Variants in DLG2 observed in about 807,000 individuals in gnomAD.
DLG2 encodes the protein disks large homolog 2.
In DLG2, 45 loss-of-function variants were observed where a neutral mutation model predicts 132.5. That is an observed-to-expected ratio of 0.34 (90% CI 0.27 to 0.44). DLG2 has a LOEUF of 0.44. DLG2 is among the 20% of genes least tolerant of loss of function. DLG2 has a pLI of 1.00. For synonymous variants in DLG2, 424 were observed against 419.6 expected (o/e 1.01, Z -0.13); for missense variants, 1,045 against 1,196.9 (o/e 0.87, Z 1.87).
intron 3 of DLG2, among the ~76,000 whole-genome samples, chr11:85,589,949 A>C (rs1304335350): frequency 6.6e-6 from 1 of 152,120 alleles, no homozygotes. Context: ...GTAGTATCTA[A>C]ACATTTTTTA....
chr11:83,610,359 C>G (rs916704199), intron 19 of DLG2, among the ~76,000 whole-genome samples: 3 of 152,078 alleles, frequency 2.0e-5, no homozygotes, highest in Non-Finnish European at 4.4e-5. Flanking sequence ...TGGTGCTGCA[C>G]GAATCTGTAT....
chr11:85,227,023 T>A (rs187643113), intron 4 of DLG2, among the ~76,000 whole-genome samples: 76 of 152,212 alleles, frequency 5.0e-4, no homozygotes, highest in African/African-American at 1.8e-3. Context: ...AAAGACAGAA[T>A]GGTATCAAGG....
chr11:83,709,274 TATATACATATATGTACATATATAC>T (rs1278475859), intron 18 of DLG2, among the ~76,000 whole-genome samples: 1 of 149,080 alleles, frequency 6.7e-6, no homozygotes, highest in Non-Finnish European at 1.5e-5. Context: ...TATGTATGTA[TATATACATATATGTACATATATAC>T]ATATACGTAT....
rs528933379 is a variant in DLG2 at position 83,694,640 on chromosome 11, TC to T, written c.1826-61316del. Among the ~76,000 whole-genome samples the T allele has an allele frequency of 1.5e-3, 234 of 152,342 alleles. 1 individual carries two copies. The highest frequency in any genetic ancestry group is 5.2e-3 in the African/African-American group (218 of 41,562). The stretch of plus-strand genomic sequence containing the variant: ...CCTTCAACCTCACGGTCCCATTGTT[TC>T]TCTTATTTCTTCCTAGTATGCTCTA... On this transcript the variant is annotated intron_variant, in intron 18 of 27. Transcript: ENST00000376104.
intron 7 of DLG2, among the ~76,000 whole-genome samples, chr11:84,316,552 A>G (rs935383156): frequency 1.3e-5 from 2 of 152,198 alleles, no homozygotes; most frequent in African/African-American, 4.8e-5. Flanking sequence ...GGGCTGCTAA[A>G]AGACTATGAT....
rs2075700939 is a variant in DLG2, at chr11:85,238,266, CAG to C, written c.186+46952_186+46953del. Among the ~76,000 whole-genome samples, 4 of 141,284 alleles carry C rather than the reference CAG, an allele frequency of 2.8e-5. No individual in the cohort carries two copies. In the East Asian group the frequency reaches 8.2e-4, roughly 29 times the overall value. 92.7% of individuals were successfully genotyped at this position (141,284 alleles called of 152,430 possible). On this transcript the variant is annotated intron_variant, in intron 4 of 27. Transcript: ENST00000376104. ...ATTTATTTATTTATTTATTTTGAGA[CAG>C]AGTCTTGCTTTGTTGCCCAGGCTGG...
chr11:83,646,990 C>A (rs537840952), intron 18 of DLG2: 1 of 152,022 alleles, frequency 6.6e-6, no homozygotes, highest in African/African-American at 2.4e-5. Flanking sequence ...TTTGTGATTC[C>A]GTTTTGTTTT....
At chr11:84,538,073 A>G (rs1418380243) in intron 6 of DLG2, among the ~76,000 whole-genome samples, 4 of 152,218 alleles carry the variant, frequency 2.6e-5, no homozygotes, top group Admixed American at 2.6e-4. Context: ...CAAGAAGACC[A>G]TAAATTACTG....
At chr11:84,578,580 A>T (rs1271126952) in intron 6 of DLG2, among the ~76,000 whole-genome samples, 1 of 152,082 alleles carries the variant, frequency 6.6e-6, no homozygotes, top group African/African-American at 2.4e-5. Context: ...AATTTATCCC[A>T]TTTGGAATGG....
Position 83,667,030 on chromosome 11 carries a change from C to T in DLG2, c.1826-33705G>A, listed in dbSNP as rs771787251. ...TGGGCAAACTGCGATATACGGTCAA[C>T]GCTTTATCTTTCCTTAGGCATGTTT... On this transcript the variant is annotated intron_variant, in intron 18 of 27. Coordinates refer to ENST00000376104, the MANE Select transcript of DLG2 (RefSeq NM_001142699.3). Among the ~76,000 whole-genome samples, 237 of 152,164 alleles carry T rather than the reference C, an allele frequency of 1.6e-3. 1 individual carries two copies. Among genetic ancestry groups the T allele is most frequent in the Non-Finnish European group, 2.8e-3 (193 of 68,040 alleles).
chr11:84,365,432 A>G (rs1397034809), intron 7 of DLG2, among the ~76,000 whole-genome samples: 2 of 151,734 alleles, frequency 1.3e-5, no homozygotes, highest in Non-Finnish European at 2.9e-5. Context: ...CTAGCGGTCT[A>G]TCAATTTTGT....
chr11:84,835,265 G>A (rs2079591155), intron 6 of DLG2, among the ~76,000 whole-genome samples: 2 of 151,668 alleles, frequency 1.3e-5, no homozygotes, highest in Non-Finnish European at 1.5e-5. Context: ...TAGATAACAT[G>A]CAATAAACAT....
chr11:84,581,724 TG>T (rs2099516751), intron 6 of DLG2, among the ~76,000 whole-genome samples: 1 of 151,940 alleles, frequency 6.6e-6, no homozygotes, highest in African/African-American at 2.4e-5. Flanking sequence ...CTGGCCAACA[TG>T]GTGAAAACCC....
rs117706103 is a variant in DLG2 at position 85,277,983 on chromosome 11, C to G, written c.186+7237G>C. Among the ~76,000 whole-genome samples the G allele has an allele frequency of 2.1e-4, 32 of 152,244 alleles. 1 individual carries two copies. Among genetic ancestry groups the G allele is most frequent in the African/African-American group, 6.0e-4 (25 of 41,544 alleles). ...CATAAAAACCTTCTGTGGCTCACAA[C>G]GACCTGAAGAAAAGCATTTAAATGC... On this transcript the variant is annotated intron_variant, in intron 4 of 27. Coordinates refer to ENST00000376104, the MANE Select transcript of DLG2 (RefSeq NM_001142699.3).
chr11:84,323,720 C>CTTTTTTTTTTTTT (rs35283044), intron 7 of DLG2, among the ~76,000 whole-genome samples: 1 of 123,788 alleles, frequency 8.1e-6, no homozygotes. Flanking sequence ...TTCTTTTTTC[C>CTTTTTTTTTTTTT]TTTTTTTTTT....
intron 4 of DLG2, among the ~76,000 whole-genome samples, chr11:85,240,067 T>C (rs2075801223): frequency 6.6e-6 from 1 of 151,928 alleles, no homozygotes; most frequent in South Asian, 2.1e-4. Context: ...ATTGCCAGTG[T>C]TTTTATTTTA....
At chr11:83,871,545 G>A (rs1200948121) in intron 16 of DLG2, among the ~76,000 whole-genome samples, 2 of 152,214 alleles carry the variant, frequency 1.3e-5, no homozygotes, top group Non-Finnish European at 2.9e-5. Context: ...AATTTCAGTT[G>A]ATTGCCTACA....
intron 7 of DLG2, among the ~76,000 whole-genome samples, chr11:84,292,106 T>G (rs1290714598): frequency 6.6e-6 from 1 of 152,160 alleles, no homozygotes; most frequent in East Asian, 1.9e-4. Flanking sequence ...GTTGGAAGTC[T>G]AGGCGAGGTT....
intron 21 of DLG2, among the ~76,000 whole-genome samples, chr11:83,518,039 C>T (rs545367845): frequency 1.3e-5 from 2 of 152,348 alleles, no homozygotes; most frequent in South Asian, 4.1e-4. Flanking sequence ...CCACTACTCT[C>T]TTCAAAGCTG....
Sources: gnomAD v4.1 joint callset for allele counts (sites outside exome capture counted in the v4.1 genomes callset) on GRCh38, gnomAD v4.1.1 for gene constraint, MANE v1.5 for transcripts, NCBI Gene and HGNC (gene_info 2026-07-23, HGNC 2026-07-21) for gene names.